The following TP63 variants were observed in gnomAD, a reference collection of about 807,000 sequenced individuals.
The protein encoded by TP63 is tumor protein p63.
In TP63, 17 loss-of-function variants were observed where a neutral mutation model predicts 82.8. The ratio of observed to expected loss-of-function variants is 0.21; its 90% CI spans 0.14 to 0.31. The LOEUF (loss-of-function observed/expected upper bound fraction) is 0.31, where lower values mean the gene tolerates loss of function less well. TP63 is among the 10% of genes least tolerant of loss of function. The probability of loss-of-function intolerance (pLI) is 1.00; values close to 1 mark genes in which losing one functional copy is unlikely to be tolerated. For synonymous variants in TP63, 330 were observed against 321.7 expected, an observed-to-expected ratio of 1.03 and a Z score of -0.28; for missense variants, 648 against 895.3, an observed-to-expected ratio of 0.72 and a Z score of 3.52.
chr3:189,787,482 T>G (rs939769884), intron 3 of TP63, among the ~76,000 whole-genome samples: 1 of 152,074 alleles, frequency 6.6e-6, no homozygotes, highest in Non-Finnish European at 1.5e-5. Flanking sequence ...CAAGTAGCCA[T>G]AGTGGATATA....
At position 189,639,768 on chromosome 3, in the gene TP63, G is replaced by A. The variant is rs532124991; in HGVS notation, c.62+8191G>A. Among the ~76,000 whole-genome samples, 21 of 152,160 alleles carry A rather than the reference G, an allele frequency of 1.4e-4. No individual in the cohort carries two copies. In the South Asian group the frequency reaches 3.9e-3, roughly 29 times the overall value. On this transcript the variant is annotated intron_variant, in intron 1 of 13. Coordinates refer to ENST00000264731, the MANE Select transcript of TP63 (RefSeq NM_003722.5). ...GATTATTTAGTCAGCCATATGGCCGGCTAGAAAAGGTGTTTAATCTTTTTA... is the reference window on the plus strand; with the variant it reads ...GATTATTTAGTCAGCCATATGGCCGACTAGAAAAGGTGTTTAATCTTTTTA...
intron 1 of TP63, among the ~76,000 whole-genome samples, chr3:189,711,813 A>G (rs1227277627): frequency 6.6e-6 from 1 of 152,176 alleles, no homozygotes; most frequent in Non-Finnish European, 1.5e-5. Context: ...TTATGATCTT[A>G]TACCAGCTGG....
intron 4 of TP63, among the ~76,000 whole-genome samples, chr3:189,838,102 G>C (rs780883535): frequency 2.0e-5 from 3 of 152,066 alleles, no homozygotes; most frequent in Non-Finnish European, 4.4e-5. Flanking sequence ...GATTAAATAT[G>C]AGCTAAGCTA....
At chr3:189,774,659 T>G (rs144567072) in intron 3 of TP63, among the ~76,000 whole-genome samples, 1 of 152,188 alleles carries the variant, frequency 6.6e-6, no homozygotes, top group Non-Finnish European at 1.5e-5. Context: ...TACCTGTAAA[T>G]GAGATGATGT....
At position 189,697,136 on chromosome 3, in the gene TP63, C is replaced by G. The variant is rs542893649; in HGVS notation, c.63-40604C>G. Among the ~76,000 whole-genome samples the G allele has an allele frequency of 5.7e-4, 86 of 151,834 alleles. 2 individuals carry two copies. Among genetic ancestry groups the G allele is most frequent in the Admixed American group, 5.6e-3 (85 of 15,254 alleles). The stretch of plus-strand genomic sequence containing the variant: ...GTCCAGATTTTTCCCATATTTTCTT[C>G]CAGACATTCTTTATATTTTTAAAAT... On this transcript the variant is annotated intron_variant, in intron 1 of 13. Transcript: ENST00000264731.
chr3:189,862,324 A>G (rs1268219901), intron 4 of TP63, among the ~76,000 whole-genome samples: 2 of 152,136 alleles, frequency 1.3e-5, no homozygotes, highest in Non-Finnish European at 2.9e-5. Context: ...ATTTATCATT[A>G]ATTAAGCTTA....
At chr3:189,603,211 T>C in the TP63 span, among the ~76,000 whole-genome samples, 247 of 152,284 alleles carry the variant, frequency 1.6e-3, 1 homozygote, top group Middle Eastern at 6.8e-3. Context: ...TAAATACTAA[T>C]GCAGCAGTGG....
At chr3:189,667,706 A>C (rs1224029692) in intron 1 of TP63, among the ~76,000 whole-genome samples, 1 of 152,262 alleles carries the variant, frequency 6.6e-6, no homozygotes, top group Non-Finnish European at 1.5e-5. Flanking sequence ...GCCCCAACTC[A>C]GCTAGAGTGC....
intron 3 of TP63, among the ~76,000 whole-genome samples, chr3:189,744,017 G>A (rs962088774): frequency 1.3e-5 from 2 of 152,156 alleles, no homozygotes; most frequent in Admixed American, 6.5e-5. Flanking sequence ...CTAAGCAGCT[G>A]CAGCATGACA....
rs537405166 is a variant in TP63 at position 189,634,794 on chromosome 3, A to C, written c.62+3217A>C. Among the ~76,000 whole-genome samples the C allele has an allele frequency of 2.6e-4, 39 of 152,162 alleles. No homozygotes were observed. The South Asian group carries it at 8.1e-3, about 32-fold the overall frequency. ...TATGAATAGAAACTTGTACACAATAAATTCTGTTTGTTGTTTATTTTGTAT... is the reference window on the plus strand; with the variant it reads ...TATGAATAGAAACTTGTACACAATACATTCTGTTTGTTGTTTATTTTGTAT... On this transcript the variant is annotated intron_variant, in intron 1 of 13. Transcript: ENST00000264731.
At chr3:189,732,169 G>C (rs1362265001) in intron 1 of TP63, among the ~76,000 whole-genome samples, 1 of 152,130 alleles carries the variant, frequency 6.6e-6, no homozygotes, top group Non-Finnish European at 1.5e-5. Flanking sequence ...GACAATGGCT[G>C]TTTCTTTACC....
At chr3:189,856,944 T>A (rs1414881260) in intron 4 of TP63, among the ~76,000 whole-genome samples, 3 of 152,040 alleles carry the variant, frequency 2.0e-5, no homozygotes, top group African/African-American at 4.8e-5. Context: ...AGGTATCAGT[T>A]CTCCCCTAAA....
chr3:189,651,370 A>G lies in TP63; in HGVS notation c.62+19793A>G, dbSNP rs1358246539. ...AGACCAGCCTGGCCAACATGGTGAA[A>G]TCCAATCTCTTCTAAAAATACGAAA... is the stretch of plus-strand genomic sequence containing the variant. On this transcript the variant is annotated intron_variant, in intron 1 of 13. Transcript: ENST00000264731. Among the ~76,000 whole-genome samples the G allele has an allele frequency of 4.8e-5, 7 of 146,258 alleles. 1 individual carries two copies. Among genetic ancestry groups the G allele is most frequent in the Non-Finnish European group, 8.9e-5 (6 of 67,176 alleles).
chr3:189,755,216 A>G (rs1399821810), intron 3 of TP63, among the ~76,000 whole-genome samples: 3 of 152,264 alleles, frequency 2.0e-5, no homozygotes, highest in Admixed American at 6.5e-5. Context: ...ATAAATTGTC[A>G]TTCTTGCTGG....
rs764783466 is a variant in TP63, at chr3:189,894,445, C to T, written c.1986C>T (p.Asn662=). ...CCCGAGATGAGTGGAATGACTTCAA[C>T]TTTGACATGGATGCTCGCCGCAATA... ...FPPRDEWNDF[N]FDMDARRNKQ... The change falls in exon 14 of 14, where the codon AAC becomes AAT. Residue 662 remains asparagine (N), a synonymous_variant. Transcript: ENST00000264731. The T allele has an allele frequency of 5.6e-6, 9 of 1,614,008 alleles. No homozygotes were observed. The African/African-American group carries it at 1.1e-4, about 19-fold the overall frequency.
chr3:189,684,418 G>T (rs898784134), intron 1 of TP63, among the ~76,000 whole-genome samples: 1 of 152,124 alleles, frequency 6.6e-6, no homozygotes, highest in Non-Finnish European at 1.5e-5. Context: ...AGTCAAAAAA[G>T]ATAACAGAGG....
In TP63 at chr3:189,710,161, G is replaced by C. The variant is rs1171035493; in HGVS notation, c.63-27579G>C. ...TAGGGAAAGGCGTGGGGAGAGAAAA[G>C]GAAAAGAGAAAACATACCTTCACTG... is the stretch of plus-strand genomic sequence containing the variant. On this transcript the variant is annotated intron_variant, in intron 1 of 13. Transcript: ENST00000264731. 2.6e-5 allele frequency among the ~76,000 whole-genome samples: 4 copies of C among 152,186 alleles called. No homozygotes were observed. In the East Asian group the frequency reaches 7.7e-4, roughly 29 times the overall value.
At chr3:189,730,685 G>C (rs921232480) in intron 1 of TP63, among the ~76,000 whole-genome samples, 1 of 152,134 alleles carries the variant, frequency 6.6e-6, no homozygotes, top group Non-Finnish European at 1.5e-5. Flanking sequence ...CTCCCAATGA[G>C]GATATCCCAG....
intron 6 of TP63, among the ~76,000 whole-genome samples, chr3:189,867,362 C>A (rs2108803181): frequency 6.6e-6 from 1 of 152,252 alleles, no homozygotes; most frequent in Admixed American, 6.5e-5. Context: ...GTACTTTGGA[C>A]TAGATTATGT....
Sources: gnomAD v4.1 joint callset for allele counts (sites outside exome capture counted in the v4.1 genomes callset) on GRCh38, gnomAD v4.1.1 for gene constraint, MANE v1.5 for transcripts, NCBI Gene and HGNC (gene_info 2026-07-23, HGNC 2026-07-21) for gene names.